ITCH: variants seen among roughly 807,000 people sequenced by gnomAD.
ITCH encodes itchy E3 ubiquitin protein ligase.
A neutral mutation model predicts 126.8 loss-of-function variants in ITCH; 28 were observed. The ratio of observed to expected loss-of-function variants is 0.22; its 90% CI spans 0.16 to 0.30. The LOEUF is 0.30. ITCH is among the 10% of genes least tolerant of loss of function. ITCH has a pLI of 1.00. For missense variants in ITCH, 631 were observed against 1,032.4 expected (o/e 0.61, Z 5.33); for synonymous variants, 342 against 340.0 (o/e 1.01, Z -0.06).
chr20:34,433,015 C>T (rs1455203868), intron 7 of ITCH, among the ~76,000 whole-genome samples: 2 of 151,968 alleles, frequency 1.3e-5, no homozygotes, highest in East Asian at 1.9e-4. Context: ...TTAGGCCGGG[C>T]GCAGTGGCTC....
At chr20:34,477,014 G>A (rs140768195) in intron 16 of ITCH, among the ~76,000 whole-genome samples, 5 of 152,054 alleles carry the variant, frequency 3.3e-5, no homozygotes, top group East Asian at 1.9e-4. Flanking sequence ...GGTAGTTATC[G>A]GTTGCCGCTG....
chr20:34,382,928 G>C (rs974632162), intron 2 of ITCH, among the ~76,000 whole-genome samples: 3 of 151,470 alleles, frequency 2.0e-5, no homozygotes, highest in African/African-American at 7.3e-5. Context: ...ATTTTTAGTA[G>C]AAACGGAGTT....
intron 8 of ITCH, among the ~76,000 whole-genome samples, chr20:34,439,927 G>A (rs957317650): frequency 5.9e-5 from 9 of 152,162 alleles, no homozygotes; most frequent in Non-Finnish European, 1.3e-4. Flanking sequence ...CATGCTTCGT[G>A]ATTAGTAATG....
At position 34,481,217 on chromosome 20, in the gene ITCH, T is replaced by C; in HGVS notation, c.2093+11T>C. 1.2e-6 allele frequency: 2 copies of C among 1,613,022 alleles called. No homozygotes were observed. The highest frequency in any genetic ancestry group is 1.7e-6 in the Non-Finnish European group (2 of 1,179,290). On this transcript the variant is annotated intron_variant, in intron 20 of 24. Transcript: ENST00000374864. Reference sequence around the variant, plus strand: ...AGAGGAATACATCAGGTGAGAGTGCTCCTTTTCACATTTCACTTTTTGTTT... The same window carrying C: ...AGAGGAATACATCAGGTGAGAGTGCCCCTTTTCACATTTCACTTTTTGTTT...
At chr20:34,390,119 C>CAA (rs58863322) in intron 2 of ITCH, among the ~76,000 whole-genome samples, 83 of 147,012 alleles carry the variant, frequency 5.6e-4, no homozygotes, top group South Asian at 8.6e-4. Context: ...GACTCTGTCT[C>CAA]AAAAAAAAAA....
rs568566375 is a variant in ITCH, at chr20:34,464,814, G to A, written c.1424+2593G>A. ...CAACCTCTACCGCCTGGGTTGAAGC[G>A]ATTCTTTTGCCTCAGCCTCCTGAGT... On this transcript the variant is annotated intron_variant, in intron 14 of 24. Transcript: ENST00000374864. 7.2e-5 allele frequency among the ~76,000 whole-genome samples: 11 copies of A among 151,964 alleles called. 1 individual carries two copies. Among genetic ancestry groups the A allele is most frequent in the Non-Finnish European group, 1.2e-4 (8 of 67,978 alleles).
chr20:34,470,173 A>AC, intron 15 of ITCH, 53 bp downstream of exon 15: 3 of 1,183,968 alleles, frequency 2.5e-6, no homozygotes, highest in Middle Eastern at 1.9e-4. Context: ...GTGTTGCTTT[A>AC]TATTACACAG....
intron 10 of ITCH, among the ~76,000 whole-genome samples, chr20:34,444,308 G>A (rs982465908): frequency 2.0e-5 from 3 of 152,174 alleles, no homozygotes; most frequent in African/African-American, 7.2e-5. Context: ...AGTGGGCTGG[G>A]CGTGGTGGTT....
chr20:34,399,726 A>C (rs903328339), intron 3 of ITCH, among the ~76,000 whole-genome samples: 3 of 151,988 alleles, frequency 2.0e-5, no homozygotes, highest in Non-Finnish European at 2.9e-5. Flanking sequence ...CTGTAATCCC[A>C]GCTACTCGGG....
intron 23 of ITCH, among the ~76,000 whole-genome samples, chr20:34,497,776 G>A (rs567039591): frequency 1.2e-4 from 19 of 152,144 alleles, no homozygotes; most frequent in Admixed American, 5.9e-4. Flanking sequence ...ATGGCATTTC[G>A]CCATGTGACT....
Position 34,449,497 on chromosome 20 carries a change from T to G in ITCH, c.1210+17T>G, listed in dbSNP as rs1984924398. On this transcript the variant is annotated intron_variant, in intron 12 of 24. Transcript: ENST00000374864. ...CTGGATGGGGTAAGTCACATGAGTTTCTTCATGGAGTTCTGTCATTTCATT... is the reference window on the plus strand; with the variant it reads ...CTGGATGGGGTAAGTCACATGAGTTGCTTCATGGAGTTCTGTCATTTCATT... 8.6e-6 allele frequency: 13 copies of G among 1,514,812 alleles called. No individual in the cohort carries two copies. Among genetic ancestry groups the G allele is most frequent in the Non-Finnish European group, 1.2e-5 (13 of 1,089,542 alleles). 93.8% of individuals were successfully genotyped at this position (1,514,812 alleles called of 1,614,324 possible).
chr20:34,438,605 C>T lies in ITCH; in HGVS notation c.653C>T (p.Pro218Leu). 1 of 1,613,892 alleles carries T rather than the reference C, an allele frequency of 6.2e-7. No individual in the cohort carries two copies. Among genetic ancestry groups the T allele is most frequent in the Non-Finnish European group, 8.5e-7 (1 of 1,179,936 alleles). ...KPSRPPRPSRPPPPTPRRPAS... is the reference protein window; with the variant it reads ...KPSRPPRPSRLPPPTPRRPAS... ...TCTAGACCTCCAAGACCTTCACGACCACCACCACCCACCCCACGTAGACCA... is the reference window on the plus strand; with the variant it reads ...TCTAGACCTCCAAGACCTTCACGACTACCACCACCCACCCCACGTAGACCA... Residue 218 changes from proline (P) to leucine (L), a missense_variant, in exon 8 of 25, where the codon CCA becomes CTA. Physicochemically the swap from Pro to Leu is moderately conservative, Grantham distance 98 (BLOSUM62 -3). This residue lies in a region of ITCH where 220 missense variants were observed against 265.7 expected (regional missense o/e 0.83). Coordinates refer to ENST00000374864, the MANE Select transcript of ITCH (RefSeq NM_031483.7).
At position 34,402,400 on chromosome 20, in the gene ITCH, G is replaced by C. The variant is rs372903057; in HGVS notation, c.71-6251G>C. 2,501 of 782,754 alleles carry C rather than the reference G, an allele frequency of 3.2e-3. 77 individuals carry two copies. Among genetic ancestry groups the C allele is most frequent in the South Asian group, 0.029 (2,189 of 74,688 alleles). 48.5% of individuals were successfully genotyped at this position (782,754 alleles called of 1,614,324 possible). A position where few individuals can be genotyped will look rare whatever the true frequency, so the allele number is the denominator to read the frequency against. ...TTGGGTCCCAACAAGCAACAAAGGA[G>C]TCTTTGGACAGTGGCACCCACTTTT... On this transcript the variant is annotated intron_variant, in intron 3 of 24. Transcript: ENST00000374864.
chr20:34,415,052 T>A (rs1979639809), intron 6 of ITCH, among the ~76,000 whole-genome samples: 1 of 152,222 alleles, frequency 6.6e-6, no homozygotes, highest in African/African-American at 2.4e-5. Context: ...CATCACTTCC[T>A]AATGTGTTAA....
intron 7 of ITCH, among the ~76,000 whole-genome samples, chr20:34,425,203 G>T (rs1360682243): frequency 6.6e-6 from 1 of 152,184 alleles, no homozygotes. Flanking sequence ...TGCAGAATGT[G>T]CCTTGTTAAC....
At chr20:34,456,157 ATT>A (rs2077406292) in intron 12 of ITCH, among the ~76,000 whole-genome samples, 5 of 83,806 alleles carry the variant, frequency 6.0e-5, no homozygotes, top group South Asian at 6.0e-4. Context: ...ATTTTTATAT[ATT>A]GTGTGTGTGT....
At position 34,413,897 on chromosome 20, in the gene ITCH, T is replaced by C; in HGVS notation, c.475+18T>C. On this transcript the variant is annotated intron_variant, in intron 6 of 24. Coordinates refer to ENST00000374864, the MANE Select transcript of ITCH (RefSeq NM_031483.7). ...TTCAGAAAGTAAGTGACTACCTTTT[T>C]AAGGTCTTTAATGATTCTTCTTAAA... The C allele has an allele frequency of 6.3e-7, 1 of 1,585,592 alleles. No homozygotes were observed. The highest frequency in any genetic ancestry group is 8.7e-7 in the Non-Finnish European group (1 of 1,154,072).
chr20:34,450,483 A>C (rs951728932), intron 12 of ITCH, among the ~76,000 whole-genome samples: 2 of 152,218 alleles, frequency 1.3e-5, no homozygotes, highest in Non-Finnish European at 2.9e-5. Flanking sequence ...TTATTAAAAT[A>C]GACCTTAATA....
At chr20:34,471,990 A>G (rs1238285809) in intron 16 of ITCH, among the ~76,000 whole-genome samples, 1 of 152,166 alleles carries the variant, frequency 6.6e-6, no homozygotes, top group Non-Finnish European at 1.5e-5. Flanking sequence ...TTAACAGGAA[A>G]AAAAGTGGTC....
Sources: allele counts gnomAD v4.1 joint callset (sites outside exome capture counted in the v4.1 genomes callset), GRCh38; gene constraint gnomAD v4.1.1; regional missense constraint gnomAD v4.1.1; transcripts MANE v1.5; gene names NCBI Gene and HGNC (gene_info 2026-07-23, HGNC 2026-07-21).